Variants in FAM193A observed in about 807,000 individuals in gnomAD.
FAM193A encodes family with sequence similarity 193 member A, also known as protein FAM193A.
In FAM193A, 22 loss-of-function variants were observed where a neutral mutation model predicts 126.5. The observed-to-expected ratio is 0.17, with a 90% CI of 0.12 to 0.25. The LOEUF (loss-of-function observed/expected upper bound fraction) is 0.25. Ranked by LOEUF, FAM193A falls within the 10% of genes least tolerant of loss-of-function variation. The pLI is 1.00. For synonymous variants in FAM193A, 761 were observed against 646.8 expected (o/e 1.18, Z -2.68); for missense variants, 1,675 against 1,672.8 (o/e 1.00, Z -0.02).
intron 1 of FAM193A, among the ~76,000 whole-genome samples, chr4:2,581,249 TTC>T (rs1312587175): frequency 7.7e-5 from 11 of 143,520 alleles, no homozygotes; most frequent in Admixed American, 4.8e-4. Flanking sequence ...AATATTTTCT[TTC>T]TTTCTTTTTT....
At chr4:2,715,898 A>G in intron 19 of FAM193A, 125 bp from the exon 20 acceptor site, 1 of 710,952 alleles carries the variant, frequency 1.4e-6, no homozygotes. Flanking sequence ...CTAAAATCTC[A>G]TTTTAGAAAA....
At chr4:2,626,992 T>C (rs1344927077) in intron 4 of FAM193A, among the ~76,000 whole-genome samples, 1 of 151,978 alleles carries the variant, frequency 6.6e-6, no homozygotes, top group Non-Finnish European at 1.5e-5. Context: ...GTTGGGTAGC[T>C]TGTGTATGTG....
chr4:2,599,940 A>AC (rs201694354), intron 2 of FAM193A, among the ~76,000 whole-genome samples: 4,508 of 148,850 alleles, frequency 0.03, 235 homozygotes, highest in African/African-American at 0.11. Context: ...TCGCTCTGTC[A>AC]CCAGGCTGGA....
At chr4:2,567,170 G>A (rs894459372) in intron 1 of FAM193A, among the ~76,000 whole-genome samples, 2 of 149,874 alleles carry the variant, frequency 1.3e-5, no homozygotes, top group East Asian at 2.0e-4. Context: ...GGATGGTCTC[G>A]ATCTCCTGAC....
chr4:2,603,719 A>G, intron 2 of FAM193A, among the ~76,000 whole-genome samples: 1 of 151,758 alleles, frequency 6.6e-6, no homozygotes, highest in Non-Finnish European at 1.5e-5. Context: ...TTGGCCTCCC[A>G]AAGTACAGGT....
At chr4:2,598,970 C>G (rs1448913890) in intron 2 of FAM193A, among the ~76,000 whole-genome samples, 1 of 152,210 alleles carries the variant, frequency 6.6e-6, no homozygotes, top group Non-Finnish European at 1.5e-5. Flanking sequence ...CAGCCAGACT[C>G]TGCCTTGTAT....
At chr4:2,538,886 A>T (rs967893492) in intron 1 of FAM193A, among the ~76,000 whole-genome samples, 3 of 151,318 alleles carry the variant, frequency 2.0e-5, no homozygotes, top group African/African-American at 7.3e-5. Context: ...ATATAACTTT[A>T]TTATTTTTAT....
intron 1 of FAM193A, among the ~76,000 whole-genome samples, chr4:2,588,802 C>G (rs918682524): frequency 6.6e-6 from 1 of 152,128 alleles, no homozygotes; most frequent in African/African-American, 2.4e-5. Flanking sequence ...TCAGGACCTT[C>G]AGAGATTGAA....
intron 1 of FAM193A, among the ~76,000 whole-genome samples, chr4:2,586,947 T>G (rs1740273610): frequency 6.6e-6 from 1 of 152,172 alleles, no homozygotes; most frequent in Admixed American, 6.6e-5. Flanking sequence ...GCTGCCATGC[T>G]CAGCCTAGTA....
At chr4:2,643,837 G>C (rs1003020074) in intron 6 of FAM193A, among the ~76,000 whole-genome samples, 2 of 152,256 alleles carry the variant, frequency 1.3e-5, no homozygotes, top group East Asian at 3.9e-4. Context: ...GCGTAGGCGG[G>C]GGGTGTTTCT....
At chr4:2,581,851 C>T (rs2141295) in intron 1 of FAM193A, among the ~76,000 whole-genome samples, 2,326 of 151,398 alleles carry the variant, frequency 0.015, 51 homozygotes, top group African/African-American at 0.053. Flanking sequence ...GACAGGGTTT[C>T]GCCATGTTAG....
rs561117188 is a variant in FAM193A at position 2,566,039 on chromosome 4, A to G, written c.255+28869A>G. Among the ~76,000 whole-genome samples the G allele has an allele frequency of 1.4e-3, 207 of 151,756 alleles. 1 individual carries two copies. Among genetic ancestry groups the G allele is most frequent in the African/African-American group, 4.9e-3 (201 of 41,280 alleles). On this transcript the variant is annotated intron_variant, in intron 1 of 20. Transcript: ENST00000637812. Reference sequence around the variant, plus strand: ...AGGTAAAGGTGACATTTTAACAATGAGTGGAAAATTGCTTTTTTTTTTTTT... The same window carrying G: ...AGGTAAAGGTGACATTTTAACAATGGGTGGAAAATTGCTTTTTTTTTTTTT...
intron 1 of FAM193A, among the ~76,000 whole-genome samples, chr4:2,594,689 G>A (rs971605203): frequency 1.3e-5 from 2 of 152,076 alleles, no homozygotes; most frequent in East Asian, 1.9e-4. Context: ...TGAAGGACCC[G>A]TCTTAGGATT....
intron 6 of FAM193A, 47 bp downstream of exon 6, chr4:2,639,906 T>G: frequency 6.3e-7 from 1 of 1,583,162 alleles, no homozygotes; most frequent in Non-Finnish European, 8.6e-7. Context: ...GACAGCACAG[T>G]CTTTTCTCCT....
intron 13 of FAM193A, among the ~76,000 whole-genome samples, chr4:2,681,165 C>T (rs1468682103): frequency 1.3e-5 from 2 of 152,030 alleles, no homozygotes; most frequent in East Asian, 3.9e-4. Context: ...CCTTTTATTT[C>T]TGTGTAATCA....
At chr4:2,693,178 C>T (rs1162040005) in intron 15 of FAM193A, among the ~76,000 whole-genome samples, 1 of 152,150 alleles carries the variant, frequency 6.6e-6, no homozygotes, top group Non-Finnish European at 1.5e-5. Flanking sequence ...GCCACCACGC[C>T]CAGCTAATTT....
At position 2,594,820 on chromosome 4, in the gene FAM193A, C is replaced by CTTTTTTTTTTTT. The variant is rs386399069; in HGVS notation, c.256-1249_256-1238dup. On this transcript the variant is annotated intron_variant, in intron 1 of 20. Coordinates refer to ENST00000637812, the MANE Select transcript of FAM193A (RefSeq NM_001366318.2). ...GTTTCTTTCTTTTTCTTTTCTTTTCCTTTTTTTTTTTTTTTTTTTTTTTTT... is the reference window on the plus strand; with the variant it reads ...GTTTCTTTCTTTTTCTTTTCTTTTCCTTTTTTTTTTTTTTTTTTTTTTTTTTTTTTTTTTTTT... 4.3e-4 allele frequency among the ~76,000 whole-genome samples: 27 copies of CTTTTTTTTTTTT among 62,230 alleles called. 1 individual carries two copies. The highest frequency in any genetic ancestry group is 1.7e-3 in the African/African-American group (21 of 12,708). 40.8% of individuals were successfully genotyped at this position (62,230 alleles called of 152,430 possible).
chr4:2,700,644 ATG>A, intron 19 of FAM193A, 100 bp downstream of exon 19: 1 of 1,418,024 alleles, frequency 7.1e-7, no homozygotes, highest in South Asian at 1.4e-5. Context: ...TGCTCTCGCC[ATG>A]TGGCCTCCCT....
chr4:2,560,807 A>T (rs967170965), intron 1 of FAM193A, among the ~76,000 whole-genome samples: 1 of 151,514 alleles, frequency 6.6e-6, no homozygotes, highest in African/African-American at 2.4e-5. Context: ...CCTCTTCCTC[A>T]GTGTTTTTAT....
Sources: gnomAD v4.1 joint callset for allele counts (sites outside exome capture counted in the v4.1 genomes callset) on GRCh38, gnomAD v4.1.1 for gene constraint, MANE v1.5 for transcripts, NCBI Gene and HGNC (gene_info 2026-07-23, HGNC 2026-07-21) for gene names.